The following CALCR variants were observed in gnomAD, a reference collection of about 807,000 sequenced individuals.
CALCR encodes the protein calcitonin receptor.
CALCR carries 47 observed loss-of-function variants against 59.5 expected under a neutral mutation model. That is an observed-to-expected ratio of 0.79 (90% confidence interval 0.63 to 1.01). The LOEUF (loss-of-function observed/expected upper bound fraction) is 1.01. Ranked by LOEUF, CALCR falls within the 50% of genes least tolerant of loss-of-function variation. The probability of loss-of-function intolerance (pLI) is 0.00; values close to 1 mark genes in which losing one functional copy is unlikely to be tolerated. For missense variants in CALCR, 566 were observed against 597.1 expected (o/e 0.95, Z 0.54); for synonymous variants, 213 against 211.3 (o/e 1.01, Z -0.07).
In CALCR at chr7:93,438,239, A is replaced by G; in HGVS notation, c.834T>C (p.Ala278=). ...CATTGAAGTACACGGCCCTGGTAATAGCATGGATAGTGGTTGGCACCAGCG... is the reference window on the plus strand; with the variant it reads ...CATTGAAGTACACGGCCCTGGTAATGGCATGGATAGTGGTTGGCACCAGCG... The part of the protein sequence containing the change: ...GFPLVPTTIH[A]ITRAVYFNDN... Residue 278 remains alanine, a synonymous_variant, in exon 10 of 14, where the codon GCT becomes GCC. Coordinates refer to ENST00000426151, the MANE Select transcript of CALCR (RefSeq NM_001742.4). 2 of 1,613,698 alleles carry G rather than the reference A, an allele frequency of 1.2e-6. No homozygotes were observed. The highest frequency in any genetic ancestry group is 1.7e-6 in the Non-Finnish European group (2 of 1,179,582).
In CALCR at chr7:93,479,507, G is replaced by T. The variant is rs1800747397; in HGVS notation, c.52C>A (p.His18Asn). 4.3e-6 allele frequency: 7 copies of T among 1,610,738 alleles called. No individual in the cohort carries two copies. Among genetic ancestry groups the T allele is most frequent in the Non-Finnish European group, 5.1e-6 (6 of 1,178,440 alleles). The change falls in exon 4 of 14, where the codon CAC becomes AAC. Residue 18 changes from histidine (H) to asparagine (N), a missense_variant and splice_region_variant. Physicochemically the swap from His to Asn is moderately conservative, Grantham distance 68. Coordinates refer to ENST00000426151, the MANE Select transcript of CALCR (RefSeq NM_001742.4). ...AAGGCAGGAAGAATTGGGGTTGGGT[G>T]CTGTATTAAAAAGAAAAATCAGTTA... The part of the protein sequence containing the change: ...RCLALFLLLN[H>N]PTPILPAFSN...
intron 2 of CALCR, among the ~76,000 whole-genome samples, chr7:93,490,421 G>T (rs974742734): frequency 2.0e-5 from 3 of 151,738 alleles, no homozygotes; most frequent in Non-Finnish European, 2.9e-5. Flanking sequence ...TCAGGCAAGA[G>T]AAATAAATGA....
chr7:93,573,530 C>A (rs555254458), intron 2 of CALCR, among the ~76,000 whole-genome samples: 1 of 152,260 alleles, frequency 6.6e-6, no homozygotes, highest in Admixed American at 6.5e-5. Context: ...TAGGTTAAAG[C>A]TTTCATATGA....
chr7:93,526,326 A>C (rs1341932807), intron 2 of CALCR, among the ~76,000 whole-genome samples: 1 of 152,140 alleles, frequency 6.6e-6, no homozygotes, highest in Non-Finnish European at 1.5e-5. Flanking sequence ...TCTTACCAAT[A>C]CATCACACTG....
rs1435797704 is a variant in CALCR at position 93,460,857 on chromosome 7, T to C, written c.612A>G (p.Glu204=). Residue 204 remains glutamate (E), a synonymous_variant, in exon 8 of 14, where the codon GAA becomes GAG. Transcript: ENST00000426151. ...GCACGAGCTCTCCATTGGGTACTACTTCAACCAGGTGGATGATGATAATCA... is the reference window on the plus strand; with the variant it reads ...GCACGAGCTCTCCATTGGGTACTACCTCAACCAGGTGGATGATGATAATCA... ...NSMIIIIHLV[E]VVPNGELVRR... is the part of the protein sequence containing the mutation. The C allele has an allele frequency of 6.2e-7, 1 of 1,611,880 alleles. No individual in the cohort carries two copies. Among genetic ancestry groups the C allele is most frequent in the Non-Finnish European group, 8.5e-7 (1 of 1,178,624 alleles).
At chr7:93,567,702 C>G (rs555841520) in intron 2 of CALCR, among the ~76,000 whole-genome samples, 1 of 151,356 alleles carries the variant, frequency 6.6e-6, no homozygotes, top group South Asian at 2.1e-4. Flanking sequence ...CCTCCCCCAG[C>G]CCCCTGCCCC....
intron 2 of CALCR, among the ~76,000 whole-genome samples, chr7:93,569,814 G>C (rs537174395): frequency 6.6e-6 from 1 of 152,154 alleles, no homozygotes; most frequent in Non-Finnish European, 1.5e-5. Context: ...AGGAAGGTAA[G>C]ATTTGAAATG....
intron 2 of CALCR, among the ~76,000 whole-genome samples, chr7:93,538,551 C>A (rs11983729): frequency 0.026 from 3,896 of 152,104 alleles, 172 homozygotes; most frequent in African/African-American, 0.089. Context: ...ATACTGAAAT[C>A]ATTCTGTTTC....
chr7:93,526,401 A>G (rs949331766), intron 2 of CALCR, among the ~76,000 whole-genome samples: 29 of 152,128 alleles, frequency 1.9e-4, no homozygotes, highest in Non-Finnish European at 3.2e-4. Context: ...AGAAGGGGGG[A>G]AAAGGCAGAG....
intron 8 of CALCR, among the ~76,000 whole-genome samples, chr7:93,453,501 A>C (rs1023166125): frequency 3.9e-5 from 6 of 152,022 alleles, no homozygotes; most frequent in African/African-American, 1.4e-4. Context: ...ACGTTCCAGC[A>C]ATGATCCAAC....
chr7:93,480,597 T>C (rs1800774686), intron 3 of CALCR, among the ~76,000 whole-genome samples: 1 of 151,894 alleles, frequency 6.6e-6, no homozygotes, highest in Non-Finnish European at 1.5e-5. Flanking sequence ...TTGACATGTA[T>C]ATTCCTGGCT....
intron 2 of CALCR, among the ~76,000 whole-genome samples, chr7:93,550,931 T>G (rs1352264889): frequency 6.6e-6 from 1 of 152,078 alleles, no homozygotes; most frequent in Non-Finnish European, 1.5e-5. Context: ...TCTGTAATAT[T>G]TAAAGGTAAG....
At chr7:93,460,383 G>A (rs914776415) in intron 8 of CALCR, among the ~76,000 whole-genome samples, 2 of 150,912 alleles carry the variant, frequency 1.3e-5, no homozygotes, top group Admixed American at 6.6e-5. Context: ...GTGAAACCCC[G>A]TTTCTACTAA....
chr7:93,547,701 T>A (rs934811649), intron 2 of CALCR, among the ~76,000 whole-genome samples: 16 of 152,196 alleles, frequency 1.1e-4, no homozygotes, highest in Admixed American at 5.2e-4. Flanking sequence ...GCAATTATGT[T>A]TCCTCACATT....
intron 2 of CALCR, among the ~76,000 whole-genome samples, chr7:93,521,185 A>C (rs1801756419): frequency 6.6e-6 from 1 of 152,174 alleles, no homozygotes; most frequent in Non-Finnish European, 1.5e-5. Context: ...CTAGTACCTC[A>C]GAGTTCCAAC....
At chr7:93,527,541 A>G (rs1788696656) in intron 2 of CALCR, among the ~76,000 whole-genome samples, 2 of 152,120 alleles carry the variant, frequency 1.3e-5, no homozygotes, top group Non-Finnish European at 2.9e-5. Flanking sequence ...TTTTTGAGTG[A>G]TAATTTTTAA....
intron 2 of CALCR, among the ~76,000 whole-genome samples, chr7:93,489,442 CA>C (rs1474848156): frequency 2.0e-5 from 3 of 151,034 alleles, no homozygotes; most frequent in Non-Finnish European, 4.4e-5. Context: ...CATAGAAACC[CA>C]AAAAACCCTC....
At chr7:93,480,215 C>T (rs540253244) in intron 3 of CALCR, among the ~76,000 whole-genome samples, 2 of 151,936 alleles carry the variant, frequency 1.3e-5, no homozygotes, top group East Asian at 3.9e-4. Flanking sequence ...CCATCACAAG[C>T]CTCTCTTTTT....
intron 2 of CALCR, chr7:93,496,097 A>G (rs1277765806): frequency 1.7e-6 from 1 of 576,978 alleles, no homozygotes. Flanking sequence ...TTGTGGAAAG[A>G]GTACAAAATG....
Sources: gnomAD v4.1 joint callset for allele counts (sites outside exome capture counted in the v4.1 genomes callset) on GRCh38, gnomAD v4.1.1 for gene constraint, MANE v1.5 for transcripts, NCBI Gene and HGNC (gene_info 2026-07-23, HGNC 2026-07-21) for gene names.